LRIF1: variants seen among roughly 807,000 people sequenced by gnomAD.
LRIF1 encodes the protein ligand-dependent nuclear receptor-interacting factor 1.
Under a neutral mutation model 52.7 loss-of-function variants are expected in LRIF1, and 32 were observed. The ratio of observed to expected loss-of-function variants is 0.61; its 90% CI spans 0.46 to 0.82. The LOEUF (loss-of-function observed/expected upper bound fraction) is 0.82. LRIF1 is among the 40% of genes least tolerant of loss of function. The probability of loss-of-function intolerance (pLI) is 0.00; values close to 1 mark genes in which losing one functional copy is unlikely to be tolerated. For missense variants in LRIF1, 887 were observed against 892.0 expected (o/e 0.99, Z 0.07); for synonymous variants, 323 against 317.4 (o/e 1.02, Z -0.19).
At chr1:110,946,495 C>G (rs1658207027), downstream of LRIF1, among the ~76,000 whole-genome samples, 1 of 152,080 alleles carries the variant, frequency 6.6e-6, no homozygotes, top group African/African-American at 2.4e-5. Context: ...TTTTACAGTA[C>G]ATGAATTATA....
the LRIF1 span, among the ~76,000 whole-genome samples, chr1:110,914,647 G>C: frequency 6.6e-6 from 1 of 152,120 alleles, no homozygotes; most frequent in African/African-American, 2.4e-5. Flanking sequence ...CAGTTACTCA[G>C]GAGGCTGAGG....
At chr1:110,903,101 C>A in the LRIF1 span, among the ~76,000 whole-genome samples, 2 of 152,224 alleles carry the variant, frequency 1.3e-5, no homozygotes, top group Non-Finnish European at 2.9e-5. Context: ...GGGAAATCGC[C>A]AATTCCAATT....
At chr1:110,960,170 T>A (rs1476420003) in intron 1 of LRIF1, among the ~76,000 whole-genome samples, 2 of 152,228 alleles carry the variant, frequency 1.3e-5, no homozygotes, top group Non-Finnish European at 1.5e-5. Flanking sequence ...TTTAATAACT[T>A]ACTTAGAATT....
intron 1 of LRIF1, among the ~76,000 whole-genome samples, chr1:110,961,332 T>C (rs1417165403): frequency 1.3e-5 from 2 of 152,226 alleles, no homozygotes; most frequent in Non-Finnish European, 2.9e-5. Flanking sequence ...GAATGTTTTT[T>C]CATCAAATGT....
chr1:110,911,270 C>G, the LRIF1 span, among the ~76,000 whole-genome samples: 1 of 151,788 alleles, frequency 6.6e-6, no homozygotes, highest in Admixed American at 6.6e-5. Flanking sequence ...TTCTTAGAAG[C>G]ATACAACCTC....
the LRIF1 span, among the ~76,000 whole-genome samples, chr1:110,887,353 C>T: frequency 3.3e-5 from 5 of 152,148 alleles, no homozygotes; most frequent in African/African-American, 2.4e-5. Flanking sequence ...CGTGAGCCAC[C>T]GCGCCCAGCC....
At chr1:110,902,902 T>A in the LRIF1 span, among the ~76,000 whole-genome samples, 1 of 152,138 alleles carries the variant, frequency 6.6e-6, no homozygotes, top group Non-Finnish European at 1.5e-5. Context: ...AAAACAGTTT[T>A]GAATCTCTAA....
intron 3 of LRIF1, among the ~76,000 whole-genome samples, chr1:110,949,080 C>T (rs560203852): frequency 1.3e-5 from 2 of 151,802 alleles, no homozygotes; most frequent in Admixed American, 1.3e-4. Context: ...TGCATTTTTA[C>T]CTGTGCGTGT....
chr1:110,949,213 G>A (rs1557837384), intron 3 of LRIF1, among the ~76,000 whole-genome samples: 1 of 151,988 alleles, frequency 6.6e-6, no homozygotes, highest in Non-Finnish European at 1.5e-5. Context: ...TGCCTTCCGG[G>A]TTCAAGCGAT....
chr1:110,915,490 A>AAAAAAAATAAATAAAT, the LRIF1 span, among the ~76,000 whole-genome samples: 1 of 141,850 alleles, frequency 7.0e-6, no homozygotes, highest in African/African-American at 2.5e-5. Flanking sequence ...TCCGTCTCAA[A>AAAAAAAATAAATAAAT]AAATAAATAA....
the LRIF1 span, among the ~76,000 whole-genome samples, chr1:110,917,860 C>A: frequency 2.6e-5 from 4 of 152,078 alleles, no homozygotes; most frequent in East Asian, 7.7e-4. Context: ...TCATAACATA[C>A]AAATCCTAAA....
At chr1:110,922,347 T>C in the LRIF1 span, among the ~76,000 whole-genome samples, 1 of 152,202 alleles carries the variant, frequency 6.6e-6, no homozygotes, top group Admixed American at 6.5e-5. Flanking sequence ...CTCTCTCATA[T>C]CAGTGCCTTC....
intron 1 of LRIF1, among the ~76,000 whole-genome samples, chr1:110,955,613 T>C (rs1260936528): frequency 3.3e-5 from 5 of 152,160 alleles, no homozygotes; most frequent in African/African-American, 1.2e-4. Flanking sequence ...AAATGTACAC[T>C]GAAAACAGTG....
chr1:110,888,582 T>A, the LRIF1 span, among the ~76,000 whole-genome samples: 43 of 152,308 alleles, frequency 2.8e-4, no homozygotes, highest in African/African-American at 9.9e-4. Context: ...TCCCTGTTAA[T>A]CCATTGGCCA....
At chr1:110,921,601 T>C in the LRIF1 span, among the ~76,000 whole-genome samples, 1 of 152,116 alleles carries the variant, frequency 6.6e-6, no homozygotes, top group Non-Finnish European at 1.5e-5. Context: ...ACCAAAATAA[T>C]AGCAATTTAA....
rs1190256175 is a variant in LRIF1, at chr1:110,947,371, A to G, written c.*588T>C. The G allele has an allele frequency of 6.6e-6, 1 of 152,124 alleles. No individual in the cohort carries two copies. Among genetic ancestry groups the G allele is most frequent in the Non-Finnish European group, 1.5e-5 (1 of 68,022 alleles). The allele number at this position is 152,124 out of a possible 1,614,324, so 9.4% of individuals were successfully genotyped here. On this transcript the variant is annotated 3_prime_UTR_variant, in exon 4 of 4. Transcript: ENST00000369763. The stretch of plus-strand genomic sequence containing the variant: ...GAATTCTAAAATACCTTTGGATTAT[A>G]TAAAATTACATTGTAAAGTTACAAA...
the LRIF1 span, among the ~76,000 whole-genome samples, chr1:110,930,758 C>CA: frequency 2.0e-5 from 3 of 152,022 alleles, no homozygotes; most frequent in Non-Finnish European, 2.9e-5. Context: ...ACAATATGCA[C>CA]AAAAAATCTT....
At chr1:110,929,881 G>C in the LRIF1 span, among the ~76,000 whole-genome samples, 2 of 152,138 alleles carry the variant, frequency 1.3e-5, no homozygotes, top group Middle Eastern at 3.2e-3. Context: ...GGAGGAAAGA[G>C]AGGAACAGAA....
chr1:110,936,157 G>A, the LRIF1 span, among the ~76,000 whole-genome samples: 1 of 152,100 alleles, frequency 6.6e-6, no homozygotes, highest in Non-Finnish European at 1.5e-5. Flanking sequence ...CAAAAGCTGA[G>A]GGCTTTCATC....
Sources: allele counts gnomAD v4.1 joint callset (sites outside exome capture counted in the v4.1 genomes callset), GRCh38; gene constraint gnomAD v4.1.1; transcripts MANE v1.5; gene names NCBI Gene and HGNC (gene_info 2026-07-23, HGNC 2026-07-21).